The following TBL1X variants were observed in gnomAD, a reference collection of about 807,000 sequenced individuals.
TBL1X encodes transducin beta like 1 X-linked.
TBL1X carries 10 observed loss-of-function variants against 50.7 expected under a neutral mutation model. The ratio of observed to expected loss-of-function variants is 0.20; its 90% CI spans 0.12 to 0.33. TBL1X has a LOEUF of 0.33. Ranked by LOEUF, TBL1X falls within the 10% of genes least tolerant of loss-of-function variation. The pLI is 1.00. For missense variants in TBL1X, 340 were observed against 504.4 expected (o/e 0.67, Z 3.12); for synonymous variants, 190 against 214.7 (o/e 0.88, Z 1.01).
At chrX:9,657,472 A>T (rs1326330726) in intron 5 of TBL1X, among the ~76,000 whole-genome samples, 1 of 112,331 alleles carries the variant, frequency 8.9e-6, no homozygotes. Flanking sequence ...TGCAAGGAGG[A>T]ATCTTCAGTG....
chrX:9,702,441 C>CAAA (rs368394481), intron 12 of TBL1X, among the ~76,000 whole-genome samples: 3 of 45,188 alleles, frequency 6.6e-5, no homozygotes, highest in Admixed American at 2.8e-4. Context: ...GATCCTGTCT[C>CAAA]AAAAAAAAAA....
At chrX:9,486,552 C>G (rs1327990735) in intron 1 of TBL1X, among the ~76,000 whole-genome samples, 1 of 108,967 alleles carries the variant, frequency 9.2e-6, no homozygotes, top group African/African-American at 3.4e-5. Flanking sequence ...CTCTTTCAAC[C>G]AGTTGCCAAT....
At chrX:9,679,923 A>G (rs775768364) in intron 5 of TBL1X, among the ~76,000 whole-genome samples, 47 of 112,154 alleles carry the variant, frequency 4.2e-4, no homozygotes, top group African/African-American at 1.5e-3. Flanking sequence ...AGTATGGGCT[A>G]TAACCAACAC....
chrX:9,524,280 T>G (rs762458675), intron 2 of TBL1X, among the ~76,000 whole-genome samples: 10 of 112,069 alleles, frequency 8.9e-5, no homozygotes, highest in African/African-American at 3.2e-4. Context: ...TTTTAACCAT[T>G]TTTAAGTGTA....
At chrX:9,566,146 C>T (rs374246465) in intron 2 of TBL1X, among the ~76,000 whole-genome samples, 19 of 111,797 alleles carry the variant, frequency 1.7e-4, no homozygotes, top group Non-Finnish European at 2.4e-4. Context: ...CATTGATTGA[C>T]GTTTGTGTCA....
chrX:9,677,865 T>C (rs1166297656), intron 5 of TBL1X, among the ~76,000 whole-genome samples: 1 of 112,192 alleles, frequency 8.9e-6, no homozygotes, highest in Non-Finnish European at 1.9e-5. Flanking sequence ...AGGGACCTTG[T>C]AGATCATTGA....
At chrX:9,603,112 C>A (rs1440528470) in intron 2 of TBL1X, among the ~76,000 whole-genome samples, 2 of 112,241 alleles carry the variant, frequency 1.8e-5, no homozygotes, top group Non-Finnish European at 3.8e-5. Flanking sequence ...GAAGTGTATC[C>A]TTCTCCTTTA....
Position 9,716,336 on chromosome X carries a change from C to T in TBL1X, c.*90C>T. 5 of 1,003,193 alleles carry T rather than the reference C, an allele frequency of 5.0e-6. No individual in the cohort carries two copies. Among genetic ancestry groups the T allele is most frequent in the Non-Finnish European group, 6.9e-6 (5 of 724,862 alleles). 82.7% of individuals were successfully genotyped at this position (1,003,193 alleles called of 1,213,427 possible). A position where few individuals can be genotyped will look rare whatever the true frequency, so the allele number is the denominator to read the frequency against. On this transcript the variant is annotated 3_prime_UTR_variant, in exon 18 of 18. Transcript: ENST00000645353. ...GCTCTATTCTCCAAAACTGTAGGAA[C>T]TTGACTTGCGTTAGAGTGTACTCTG...
intron 16 of TBL1X, among the ~76,000 whole-genome samples, chrX:9,713,658 C>G (rs1232299409): frequency 9.1e-6 from 1 of 110,077 alleles, no homozygotes; most frequent in Non-Finnish European, 1.9e-5. Flanking sequence ...GAACTCCTGA[C>G]CCCAGGCAAT....
intron 2 of TBL1X, among the ~76,000 whole-genome samples, chrX:9,537,737 CT>C (rs1048467252): frequency 8.9e-6 from 1 of 112,641 alleles, no homozygotes; most frequent in African/African-American, 3.2e-5. Flanking sequence ...TGGCTTTCAC[CT>C]TTTGGCTGTT....
intron 1 of TBL1X, among the ~76,000 whole-genome samples, chrX:9,470,108 A>T (rs1442136980): frequency 8.9e-6 from 1 of 112,390 alleles, no homozygotes; most frequent in Non-Finnish European, 1.9e-5. Flanking sequence ...AAATTTTTTA[A>T]AAATTTTTCT....
chrX:9,526,963 C>T (rs1296322156), intron 2 of TBL1X, among the ~76,000 whole-genome samples: 2 of 111,516 alleles, frequency 1.8e-5, no homozygotes, highest in Non-Finnish European at 3.8e-5. Flanking sequence ...GAGCGCCCTC[C>T]CCTGTGCATT....
At chrX:9,688,756 T>C (rs1014533480) in intron 7 of TBL1X, among the ~76,000 whole-genome samples, 1 of 112,870 alleles carries the variant, frequency 8.9e-6, no homozygotes, top group African/African-American at 3.2e-5. Context: ...CCTGTGAGTA[T>C]GTGGCCAGTC....
intron 2 of TBL1X, among the ~76,000 whole-genome samples, chrX:9,585,192 G>C (rs770063586): frequency 9.0e-6 from 1 of 111,241 alleles, no homozygotes; most frequent in South Asian, 3.8e-4. Context: ...CTTGCCCTAA[G>C]TTTTCTAAGC....
chrX:9,518,825 G>A (rs1025199215), intron 2 of TBL1X, among the ~76,000 whole-genome samples: 23 of 110,730 alleles, frequency 2.1e-4, no homozygotes, highest in African/African-American at 3.3e-4. Flanking sequence ...TCCTTACTCC[G>A]TTATCATAGA....
chrX:9,469,765 C>G (rs1394802645), intron 1 of TBL1X, among the ~76,000 whole-genome samples: 1 of 111,962 alleles, frequency 8.9e-6, no homozygotes, highest in Non-Finnish European at 1.9e-5. Flanking sequence ...CACAGTTCCT[C>G]CACAGTCACC....
intron 1 of TBL1X, among the ~76,000 whole-genome samples, chrX:9,469,240 G>A (rs1204805971): frequency 8.9e-6 from 1 of 111,880 alleles, no homozygotes; most frequent in Non-Finnish European, 1.9e-5. Context: ...TGCGATCTCG[G>A]CTCACTCTGC....
At chrX:9,620,028 C>T (rs1241282808) in intron 2 of TBL1X, among the ~76,000 whole-genome samples, 3 of 112,329 alleles carry the variant, frequency 2.7e-5, no homozygotes, top group Non-Finnish European at 5.6e-5. Flanking sequence ...CAGTTGTAAG[C>T]TCTACATTAT....
chrX:9,608,401 G>T (rs2082594909), intron 2 of TBL1X, among the ~76,000 whole-genome samples: 1 of 111,913 alleles, frequency 8.9e-6, no homozygotes, highest in Admixed American at 9.5e-5. Flanking sequence ...TCGGTTTTAT[G>T]TTAAAATATA....
Sources: gnomAD v4.1 joint callset for allele counts (sites outside exome capture counted in the v4.1 genomes callset) on GRCh38, gnomAD v4.1.1 for gene constraint, MANE v1.5 for transcripts, NCBI Gene and HGNC (gene_info 2026-07-23, HGNC 2026-07-21) for gene names.